Variants in FER observed in about 807,000 individuals in gnomAD.
FER encodes tyrosine-protein kinase Fer.
FER carries 63 observed loss-of-function variants against 111.0 expected under a neutral mutation model. The observed-to-expected ratio is 0.57, with a 90% CI of 0.46 to 0.70. The LOEUF is 0.70. FER is among the 30% of genes least tolerant of loss of function. FER has a pLI of 0.00. For synonymous variants in FER, 327 were observed against 313.9 expected (o/e 1.04, Z -0.44); for missense variants, 914 against 954.0 (o/e 0.96, Z 0.55).
chr5:109,189,615 CA>C lies in FER; in HGVS notation c.*2042del, dbSNP rs1173717761. ...AGTGCTATGGTATTGAGGCACTTAC[CA>C]ACCTTCAAAAGTAAGAGTAAAATGG... On this transcript the variant is annotated 3_prime_UTR_variant, in exon 20 of 20. Coordinates refer to ENST00000281092, the MANE Select transcript of FER (RefSeq NM_005246.4). 6.6e-6 allele frequency: 1 copy of C among 152,082 alleles called. No individual in the cohort carries two copies. Among genetic ancestry groups the C allele is most frequent in the Non-Finnish European group, 1.5e-5 (1 of 68,026 alleles). The allele number at this position is 152,082 out of a possible 1,614,324, so 9.4% of individuals were successfully genotyped here.
At chr5:109,106,252 A>T (rs1748910049) in intron 17 of FER, among the ~76,000 whole-genome samples, 1 of 152,244 alleles carries the variant, frequency 6.6e-6, no homozygotes, top group Non-Finnish European at 1.5e-5. Flanking sequence ...GTGAAACATA[A>T]TTTTAGAAAG....
At chr5:109,025,866 T>TA (rs1444856124) in intron 13 of FER, among the ~76,000 whole-genome samples, 1 of 152,184 alleles carries the variant, frequency 6.6e-6, no homozygotes, top group Non-Finnish European at 1.5e-5. Context: ...TTTTTGAACG[T>TA]ACATATTTTT....
intron 17 of FER, among the ~76,000 whole-genome samples, chr5:109,142,435 T>G (rs1753626923): frequency 6.6e-6 from 1 of 152,092 alleles, no homozygotes; most frequent in South Asian, 2.1e-4. Flanking sequence ...ACAGGCAGGC[T>G]CCATCTGGAA....
At chr5:109,127,701 G>A (rs1400734043) in intron 17 of FER, among the ~76,000 whole-genome samples, 7 of 151,976 alleles carry the variant, frequency 4.6e-5, no homozygotes, top group African/African-American at 1.7e-4. Context: ...ACCGTGCTTG[G>A]CCTCCATTTT....
chr5:108,886,958 A>C (rs535323415), intron 9 of FER, among the ~76,000 whole-genome samples: 1 of 151,762 alleles, frequency 6.6e-6, no homozygotes, highest in Non-Finnish European at 1.5e-5. Context: ...TTTGCATTTT[A>C]ATTTCTTAAT....
chr5:108,946,102 C>T, intron 10 of FER, 28 bp from the exon 11 acceptor site: 2 of 1,537,390 alleles, frequency 1.3e-6, no homozygotes, highest in Non-Finnish European at 1.8e-6. Flanking sequence ...TTTACTGTTG[C>T]TGAAGGCTTG....
At chr5:108,990,445 T>C (rs1763032780) in intron 13 of FER, among the ~76,000 whole-genome samples, 1 of 151,878 alleles carries the variant, frequency 6.6e-6, no homozygotes. Flanking sequence ...TCTCTATTGG[T>C]GTATGCATGT....
intron 13 of FER, among the ~76,000 whole-genome samples, chr5:108,988,479 T>C (rs886200305): frequency 6.6e-6 from 1 of 152,198 alleles, no homozygotes; most frequent in African/African-American, 2.4e-5. Context: ...ACTGATCTGC[T>C]CAGAGTTTCT....
At chr5:108,917,135 A>G (rs1277891150) in intron 10 of FER, among the ~76,000 whole-genome samples, 5 of 152,174 alleles carry the variant, frequency 3.3e-5, no homozygotes, top group Non-Finnish European at 5.9e-5. Context: ...ACTATGATAC[A>G]AAGATGATAT....
intron 8 of FER, among the ~76,000 whole-genome samples, chr5:108,879,701 A>AATATATATATATATATATATAT (rs1554084618): frequency 4.1e-4 from 41 of 99,064 alleles, no homozygotes; most frequent in Non-Finnish European, 6.3e-4. Flanking sequence ...ATTAAAAAAA[A>AATATATATATATATATATATAT]ATATATATAT....
At chr5:109,173,528 C>T (rs1757354001) in intron 17 of FER, among the ~76,000 whole-genome samples, 1 of 152,158 alleles carries the variant, frequency 6.6e-6, no homozygotes, top group Admixed American at 6.6e-5. Flanking sequence ...TTGTCCCCAC[C>T]CAGTGCTCTG....
At chr5:108,887,308 A>G (rs1747325185) in intron 9 of FER, among the ~76,000 whole-genome samples, 1 of 151,802 alleles carries the variant, frequency 6.6e-6, no homozygotes, top group South Asian at 2.1e-4. Context: ...TAATATATCC[A>G]TGTCTCTAAA....
In FER at chr5:109,180,851, G is replaced by A. The variant is rs1758215527; in HGVS notation, c.2153G>A (p.Gly718Asp). The A allele has an allele frequency of 1.2e-6, 2 of 1,613,368 alleles. No individual in the cohort carries two copies. Among genetic ancestry groups the A allele is most frequent in the East Asian group, 2.2e-5 (1 of 44,818 alleles). Residue 718 changes from glycine to aspartate, a missense_variant, in exon 18 of 20, where the codon GGC (glycine) becomes GAC (aspartate). Around this residue, in one of 3 missense-constraint regions of FER, gnomAD observed 134 missense variants for 149.4 expected, o/e 0.90. Transcript: ENST00000281092. ...QEDGGVYSSS[G>D]LKQIPIKWTA... is the part of the protein sequence containing the mutation. ...GATGGTGGAGTGTATTCATCTTCTG[G>A]CTTAAAGCAGATTCCCATTAAATGG...
intron 13 of FER, 44 bp downstream of exon 13, chr5:108,959,391 T>C (rs1445752088): frequency 1.3e-6 from 2 of 1,538,838 alleles, no homozygotes; most frequent in Middle Eastern, 1.7e-4. Context: ...TTAAAAGAAT[T>C]TTTGGTGAGT....
Position 108,870,457 on chromosome 5 carries a change from C to T in FER, c.666-908C>T, listed in dbSNP as rs62360780. ...CTAAATCTGTATTAAATTTTTCTGC[C>T]TCCCCTTTTCTTTAAATTGTGTCTG... On this transcript the variant is annotated intron_variant, in intron 6 of 19. Transcript: ENST00000281092. 4.5e-3 allele frequency among the ~76,000 whole-genome samples: 691 copies of T among 152,076 alleles called. 2 individuals carry two copies. Among genetic ancestry groups the T allele is most frequent in the Non-Finnish European group, 7.0e-3 (476 of 67,952 alleles).
intron 13 of FER, among the ~76,000 whole-genome samples, chr5:109,013,641 T>G (rs1766623773): frequency 6.6e-6 from 1 of 151,592 alleles, no homozygotes; most frequent in Admixed American, 6.6e-5. Context: ...TCTAGATCCC[T>G]GAGGAATCGC....
chr5:109,059,608 T>C (rs1208005465), intron 16 of FER, among the ~76,000 whole-genome samples: 1 of 152,178 alleles, frequency 6.6e-6, no homozygotes, highest in Non-Finnish European at 1.5e-5. Context: ...CTCCCTCTTA[T>C]TTCAACATGT....
chr5:108,918,849 T>G (rs928040942), intron 10 of FER, among the ~76,000 whole-genome samples: 1 of 152,166 alleles, frequency 6.6e-6, no homozygotes, highest in African/African-American at 2.4e-5. Context: ...AAAGTTTGGA[T>G]ATGCAATGGA....
chr5:108,762,091 T>A (rs1751823056), intron 1 of FER, among the ~76,000 whole-genome samples: 2 of 152,090 alleles, frequency 1.3e-5, no homozygotes, highest in Non-Finnish European at 2.9e-5. Context: ...TTTTTTGTAT[T>A]TTTAATGCAG....
Sources: allele counts gnomAD v4.1 joint callset (sites outside exome capture counted in the v4.1 genomes callset), GRCh38; gene constraint gnomAD v4.1.1; regional missense constraint gnomAD v4.1.1; transcripts MANE v1.5; gene names NCBI Gene and HGNC (gene_info 2026-07-23, HGNC 2026-07-21).